The following ARHGAP24 variants were observed in gnomAD, a reference collection of about 807,000 sequenced individuals.
ARHGAP24 encodes Rho GTPase activating protein 24, also known as rho GTPase-activating protein 24.
In ARHGAP24, 50 loss-of-function variants were observed where a neutral mutation model predicts 76.4. That is an observed-to-expected ratio of 0.65 (90% CI 0.52 to 0.83). The LOEUF is 0.83. Ranked by LOEUF, ARHGAP24 falls within the 40% of genes least tolerant of loss-of-function variation. The pLI, the probability that ARHGAP24 is intolerant of heterozygous loss-of-function variation, is 0.00. For synonymous variants in ARHGAP24, 345 were observed against 323.3 expected, an observed-to-expected ratio of 1.07 and a Z score of -0.72; for missense variants, 930 against 914.2, an observed-to-expected ratio of 1.02 and a Z score of -0.22.
chr4:85,518,421 G>T (rs1724600364), intron 1 of ARHGAP24, among the ~76,000 whole-genome samples: 1 of 151,982 alleles, frequency 6.6e-6, no homozygotes, highest in African/African-American at 2.4e-5. Context: ...GGTTACATGA[G>T]TAAGTTCTTT....
At chr4:85,761,748 C>T (rs1726741125) in intron 3 of ARHGAP24, among the ~76,000 whole-genome samples, 1 of 152,124 alleles carries the variant, frequency 6.6e-6, no homozygotes, top group Non-Finnish European at 1.5e-5. Flanking sequence ...AGGTGAATTT[C>T]AGAAGCAGTG....
At chr4:85,618,945 T>C (rs1184628830) in intron 2 of ARHGAP24, among the ~76,000 whole-genome samples, 2 of 152,128 alleles carry the variant, frequency 1.3e-5, no homozygotes, top group African/African-American at 4.8e-5. Flanking sequence ...TTGTTTCCTT[T>C]GCAGTACAGA....
chr4:85,653,360 A>G (rs373413535), intron 2 of ARHGAP24, among the ~76,000 whole-genome samples: 12 of 152,234 alleles, frequency 7.9e-5, no homozygotes, highest in African/African-American at 2.9e-4. Flanking sequence ...TGTATTATGT[A>G]GTAGAGAAAA....
chr4:85,815,969 A>G lies in ARHGAP24; in HGVS notation c.268+93997A>G, dbSNP rs111347357. ...CATAGCGGCAGCAGGAAAGAATGAG[A>G]GCCAAGTAAAACAGGTTTCCCCTTA... is the stretch of plus-strand genomic sequence containing the variant. On this transcript the variant is annotated intron_variant, in intron 3 of 9. Transcript: ENST00000395184. 8.6e-3 allele frequency among the ~76,000 whole-genome samples: 1,310 copies of G among 152,294 alleles called. 15 individuals are homozygous for G. Among genetic ancestry groups the G allele is most frequent in the African/African-American group, 0.03 (1,260 of 41,548 alleles).
At chr4:85,878,470 C>T (rs1389582096) in intron 3 of ARHGAP24, among the ~76,000 whole-genome samples, 4 of 152,066 alleles carry the variant, frequency 2.6e-5, no homozygotes, top group Non-Finnish European at 5.9e-5. Flanking sequence ...GTTCCATCAT[C>T]TTTTAAGATA....
At chr4:85,499,820 T>C (rs1723731293) in intron 1 of ARHGAP24, among the ~76,000 whole-genome samples, 2 of 152,238 alleles carry the variant, frequency 1.3e-5, no homozygotes, top group East Asian at 1.9e-4. Context: ...TTAGTATGAA[T>C]GAGGAACAGA....
chr4:85,903,567 C>G (rs1005460149), intron 3 of ARHGAP24, among the ~76,000 whole-genome samples: 1 of 152,038 alleles, frequency 6.6e-6, no homozygotes, highest in African/African-American at 2.4e-5. Context: ...AAAGCTGCTA[C>G]AATGTACAAC....
chr4:85,636,996 C>T (rs1346581755), intron 2 of ARHGAP24, among the ~76,000 whole-genome samples: 1 of 151,950 alleles, frequency 6.6e-6, no homozygotes, highest in African/African-American at 2.4e-5. Context: ...CCCAAAGTGT[C>T]GCATTCATGG....
At chr4:85,983,173 C>T (rs1226845945) in intron 8 of ARHGAP24, among the ~76,000 whole-genome samples, 1 of 152,134 alleles carries the variant, frequency 6.6e-6, no homozygotes, top group African/African-American at 2.4e-5. Flanking sequence ...TCCAGTCTAT[C>T]ATTGATGGAC....
At chr4:85,605,863 A>T (rs988498926) in intron 2 of ARHGAP24, among the ~76,000 whole-genome samples, 1 of 152,188 alleles carries the variant, frequency 6.6e-6, no homozygotes, top group Admixed American at 6.5e-5. Flanking sequence ...TCTCAGTCTG[A>T]AAAGGTTACA....
intron 3 of ARHGAP24, among the ~76,000 whole-genome samples, chr4:85,824,998 G>A (rs180873091): frequency 6.6e-6 from 1 of 152,252 alleles, no homozygotes; most frequent in East Asian, 1.9e-4. Flanking sequence ...GCTGAGGCAA[G>A]AGAATCACTT....
intron 2 of ARHGAP24, among the ~76,000 whole-genome samples, chr4:85,597,992 C>A (rs990921105): frequency 6.6e-6 from 1 of 152,062 alleles, no homozygotes; most frequent in Non-Finnish European, 1.5e-5. Flanking sequence ...GGGACATTAT[C>A]AAATGCACCT....
chr4:85,586,417 GA>G (rs1277117484), intron 2 of ARHGAP24, among the ~76,000 whole-genome samples: 1 of 152,162 alleles, frequency 6.6e-6, no homozygotes, highest in Non-Finnish European at 1.5e-5. Flanking sequence ...GTTTCATGGT[GA>G]CATGTGATTG....
intron 2 of ARHGAP24, among the ~76,000 whole-genome samples, chr4:85,672,462 T>C (rs1470425834): frequency 6.6e-6 from 1 of 151,504 alleles, no homozygotes; most frequent in Non-Finnish European, 1.5e-5. Flanking sequence ...AATGATTATA[T>C]TTCAGTATCC....
chr4:85,515,537 A>G (rs994130335), intron 1 of ARHGAP24, among the ~76,000 whole-genome samples: 8 of 151,774 alleles, frequency 5.3e-5, no homozygotes, highest in Admixed American at 3.9e-4. Flanking sequence ...AAAAAGTAGG[A>G]TGTTATACAC....
At chr4:85,495,888 G>A (rs533834231) in intron 1 of ARHGAP24, among the ~76,000 whole-genome samples, 9 of 152,284 alleles carry the variant, frequency 5.9e-5, no homozygotes, top group Non-Finnish European at 1.2e-4. Flanking sequence ...CTTGGATAGT[G>A]AAAGAAAATT....
chr4:85,995,573 A>G lies in ARHGAP24; in HGVS notation c.1919A>G (p.Asn640Ser). 1 of 1,613,508 alleles carries G rather than the reference A, an allele frequency of 6.2e-7. No homozygotes were observed. The highest frequency in any genetic ancestry group is 8.5e-7 in the Non-Finnish European group (1 of 1,179,692). The change falls in exon 9 of 10, where the codon AAC becomes AGC. Residue 640 changes from asparagine (N) to serine (S), a missense_variant. Transcript: ENST00000395184. ...ACATTTGTGGGCAACAGCAGCAGCA[A>G]CCACAGTGCACTGCACAGTTTAGTT... Reference protein sequence around the residue: ...SETFVGNSSSNHSALHSLVSS... With the variant: ...SETFVGNSSSSHSALHSLVSS...
chr4:85,715,706 G>A (rs1434335850), intron 2 of ARHGAP24, among the ~76,000 whole-genome samples: 1 of 152,002 alleles, frequency 6.6e-6, no homozygotes, highest in Non-Finnish European at 1.5e-5. Flanking sequence ...TAAGTGTACA[G>A]TATCCTGTTT....
chr4:85,939,978 C>T (rs1170509875), intron 4 of ARHGAP24, among the ~76,000 whole-genome samples: 3 of 151,736 alleles, frequency 2.0e-5, no homozygotes, highest in East Asian at 3.9e-4. Context: ...ATCTACAAGT[C>T]TTTTAAAAGG....
Sources: allele counts gnomAD v4.1 joint callset (sites outside exome capture counted in the v4.1 genomes callset), GRCh38; gene constraint gnomAD v4.1.1; transcripts MANE v1.5; gene names NCBI Gene and HGNC (gene_info 2026-07-23, HGNC 2026-07-21).